Variants in ACER1 observed in about 807,000 individuals in gnomAD.
ACER1 encodes alkaline ceramidase 1.
ACER1 carries 28 observed loss-of-function variants against 24.9 expected under a neutral mutation model. The observed-to-expected ratio is 1.13, with a 90% CI of 0.83 to 1.54. The LOEUF is 1.54. Among genes scored for constraint, ACER1 ranks in the 40% most tolerant of loss-of-function variants. The pLI is 0.00. For synonymous variants in ACER1, 132 were observed against 131.4 expected (o/e 1.00, Z -0.03); for missense variants, 352 against 349.3 (o/e 1.01, Z -0.06).
chr19:6,312,404 C>G lies in ACER1; in HGVS notation c.189G>C (p.Trp63Cys), dbSNP rs759321456. 1 of 1,613,964 alleles carries G rather than the reference C, an allele frequency of 6.2e-7. No homozygotes were observed. The highest frequency in any genetic ancestry group is 8.5e-7 in the Non-Finnish European group (1 of 1,179,994). ...CCCTACCTATGATCATGAAGAGGAC[C>G]CAGACAACGTAAATGTAGCGGGAGC... ...QKRSRYIYVV[W>C]VLFMIIGLFS... Residue 63 changes from tryptophan (W) to cysteine (C), a missense_variant, in exon 2 of 6, where the codon TGG becomes TGC. Coordinates refer to ENST00000301452, the MANE Select transcript of ACER1 (RefSeq NM_133492.3).
intron 1 of ACER1, among the ~76,000 whole-genome samples, chr19:6,317,670 AC>A (rs1168798559): frequency 1.3e-5 from 2 of 152,186 alleles, no homozygotes; most frequent in African/African-American, 4.8e-5. Flanking sequence ...AAACTCTTAA[AC>A]TTGGCGTATA....
At chr19:6,358,095 G>A in the ACER1 span, among the ~76,000 whole-genome samples, 9 of 152,228 alleles carry the variant, frequency 5.9e-5, no homozygotes, top group South Asian at 6.2e-4. Flanking sequence ...TCCCCAGGGC[G>A]GGGGCAGGAG....
At chr19:6,326,081 A>G (rs1290543503) in intron 1 of ACER1, among the ~76,000 whole-genome samples, 6 of 147,850 alleles carry the variant, frequency 4.1e-5, no homozygotes, top group African/African-American at 1.5e-4. Flanking sequence ...CAGCCTCCGG[A>G]GTAGCTGGGA....
chr19:6,347,109 A>AAAAAAAAAAAAAATAT, the ACER1 span, among the ~76,000 whole-genome samples: 14 of 113,822 alleles, frequency 1.2e-4, no homozygotes, highest in Admixed American at 1.8e-4. Flanking sequence ...AAAAAAAAAA[A>AAAAAAAAAAAAAATAT]ATATATATAT....
At chr19:6,310,605 A>ACGGTGGCT (rs2091574505) in intron 3 of ACER1, among the ~76,000 whole-genome samples, 1 of 151,536 alleles carries the variant, frequency 6.6e-6, no homozygotes, top group Non-Finnish European at 1.5e-5. Flanking sequence ...CTAGCCCGGC[A>ACGGTGGCT]CGGTGGCTCG....
the ACER1 span, among the ~76,000 whole-genome samples, chr19:6,355,712 C>A: frequency 1.5e-5 from 2 of 137,534 alleles, no homozygotes; most frequent in African/African-American, 5.7e-5. Flanking sequence ...GTGAGGAGCC[C>A]CTCTGCCCGG....
chr19:6,319,510 C>T (rs1224982193), intron 1 of ACER1, among the ~76,000 whole-genome samples: 1 of 151,770 alleles, frequency 6.6e-6, no homozygotes, highest in Non-Finnish European at 1.5e-5. Flanking sequence ...TTCATTCATT[C>T]GTTCATTCAT....
chr19:6,318,218 C>T (rs189820802), intron 1 of ACER1, among the ~76,000 whole-genome samples: 1 of 151,770 alleles, frequency 6.6e-6, no homozygotes, highest in Non-Finnish European at 1.5e-5. Context: ...GCCTGTAATC[C>T]CAGCACTTTG....
At chr19:6,355,520 C>T in the ACER1 span, among the ~76,000 whole-genome samples, 7 of 150,550 alleles carry the variant, frequency 4.6e-5, no homozygotes, top group East Asian at 2.0e-4. Flanking sequence ...GCAGCCACCC[C>T]GTCTGGGAAA....
chr19:6,346,824 G>A, the ACER1 span, among the ~76,000 whole-genome samples: 2 of 151,712 alleles, frequency 1.3e-5, no homozygotes, highest in East Asian at 3.9e-4. Flanking sequence ...CAACATCACA[G>A]CGGAGATTAC....
chr19:6,323,445 A>C (rs1287763539), intron 1 of ACER1, among the ~76,000 whole-genome samples: 1 of 151,966 alleles, frequency 6.6e-6, no homozygotes, highest in Non-Finnish European at 1.5e-5. Context: ...AAAAGAAAAA[A>C]AAATGGGAGT....
chr19:6,355,155 C>T, the ACER1 span, among the ~76,000 whole-genome samples: 2 of 152,078 alleles, frequency 1.3e-5, no homozygotes, highest in African/African-American at 4.8e-5. Flanking sequence ...AGTGCAGTGG[C>T]GTGATCTCGG....
the ACER1 span, among the ~76,000 whole-genome samples, chr19:6,339,713 G>T: frequency 6.6e-6 from 1 of 152,026 alleles, no homozygotes; most frequent in Non-Finnish European, 1.5e-5. Context: ...TGTTGCCCAG[G>T]CTGGAGTGCA....
chr19:6,310,067 G>A (rs2091570513), intron 3 of ACER1, among the ~76,000 whole-genome samples: 1 of 151,808 alleles, frequency 6.6e-6, no homozygotes, highest in Non-Finnish European at 1.5e-5. Context: ...TTTGAGACCA[G>A]CCTGGTCAAC....
intron 1 of ACER1, among the ~76,000 whole-genome samples, chr19:6,313,268 G>A (rs1289312890): frequency 4.6e-5 from 7 of 151,998 alleles, no homozygotes; most frequent in African/African-American, 1.2e-4. Context: ...ACAGGTGCCC[G>A]CCACCCCACC....
intron 1 of ACER1, among the ~76,000 whole-genome samples, chr19:6,321,908 G>A (rs903401929): frequency 2.6e-5 from 4 of 151,796 alleles, no homozygotes; most frequent in South Asian, 2.1e-4. Flanking sequence ...CACTGCACCC[G>A]GCCGGCAGGG....
chr19:6,311,416 C>A (rs1463369985), intron 3 of ACER1, among the ~76,000 whole-genome samples: 2 of 151,990 alleles, frequency 1.3e-5, no homozygotes, highest in African/African-American at 4.8e-5. Context: ...GTGGCAGGTG[C>A]CTGTAATCCC....
At chr19:6,330,040 T>A (rs1057110540) in intron 1 of ACER1, among the ~76,000 whole-genome samples, 6 of 151,054 alleles carry the variant, frequency 4.0e-5, no homozygotes, top group African/African-American at 1.5e-4. Flanking sequence ...CCAGCTAATT[T>A]TTTTGTATTT....
upstream of ACER1, among the ~76,000 whole-genome samples, chr19:6,337,675 T>TC (rs2091720445): frequency 1.2e-5 from 1 of 85,016 alleles, no homozygotes; most frequent in South Asian, 4.6e-4. Context: ...TTTTTTTTTT[T>TC]TTTTTTTTTT....
Sources: allele counts gnomAD v4.1 joint callset (sites outside exome capture counted in the v4.1 genomes callset), GRCh38; gene constraint gnomAD v4.1.1; transcripts MANE v1.5; gene names NCBI Gene and HGNC (gene_info 2026-07-23, HGNC 2026-07-21).